The following UMOD variants were observed in gnomAD, a reference collection of about 807,000 sequenced individuals.
The protein encoded by UMOD is uromodulin.
UMOD carries 64 observed loss-of-function variants against 66.0 expected under a neutral mutation model. The ratio of observed to expected loss-of-function variants is 0.97; its 90% CI spans 0.79 to 1.19. UMOD has a LOEUF of 1.19. UMOD is among the 50% of genes most tolerant of loss of function. The pLI is 0.00. For missense variants in UMOD, 764 were observed against 850.9 expected (o/e 0.90, Z 1.27); for synonymous variants, 398 against 352.7 (o/e 1.13, Z -1.44).
At chr16:20,352,919 T>G (rs1048699796), upstream of UMOD, 1 of 409,680 alleles carries the variant, frequency 2.4e-6, no homozygotes, top group African/African-American at 2.0e-5. Context: ...ATGATTGACA[T>G]TGGGGGGTCA....
At chr16:20,345,393 TC>T (rs1449310399) in intron 5 of UMOD, among the ~76,000 whole-genome samples, 5 of 75,520 alleles carry the variant, frequency 6.6e-5, no homozygotes, top group Admixed American at 4.7e-4. Context: ...TCCTTTCTTT[TC>T]TTTTTTTTTC....
At chr16:20,341,924 C>T (rs1291373100) in intron 6 of UMOD, among the ~76,000 whole-genome samples, 1 of 152,230 alleles carries the variant, frequency 6.6e-6, no homozygotes, top group East Asian at 1.9e-4. Flanking sequence ...GATGATCCAA[C>T]AAAGGACATT....
intron 1 of UMOD, among the ~76,000 whole-genome samples, chr16:20,352,212 G>A (rs911441453): frequency 9.2e-5 from 14 of 152,038 alleles, no homozygotes; most frequent in Admixed American, 3.3e-4. Context: ...AAAACAGGGG[G>A]ACAAAGAGGC....
At chr16:20,337,149 C>T in intron 8 of UMOD, 142 bp downstream of exon 8, 1 of 1,175,704 alleles carries the variant, frequency 8.5e-7, no homozygotes, top group Non-Finnish European at 1.2e-6. Flanking sequence ...AGGTTTCCTG[C>T]CTAGCCACGC....
At chr16:20,335,455 C>G (rs763225363) in intron 10 of UMOD, 27 bp downstream of exon 10, 8 of 1,612,890 alleles carry the variant, frequency 5.0e-6, no homozygotes, top group Non-Finnish European at 6.8e-6. Flanking sequence ...TGGAACAGGT[C>G]CCACTGCAGA....
intron 7 of UMOD, among the ~76,000 whole-genome samples, chr16:20,339,658 C>A (rs1965078161): frequency 1.3e-5 from 2 of 152,358 alleles, no homozygotes; most frequent in East Asian, 3.9e-4. Flanking sequence ...AATGCTTTTT[C>A]TGACAATGCA....
chr16:20,336,100 G>A (rs1252080920), intron 9 of UMOD, among the ~76,000 whole-genome samples: 2 of 152,208 alleles, frequency 1.3e-5, no homozygotes, highest in South Asian at 2.1e-4. Context: ...TTAAGGTTTA[G>A]GAGTCATGCA....
chr16:20,349,873 C>T (rs1378298473), intron 2 of UMOD: 2 of 1,526,192 alleles, frequency 1.3e-6, no homozygotes, highest in East Asian at 2.5e-5. Context: ...TTTGTTCCTC[C>T]GTAATAAAAA....
At position 20,346,307 on chromosome 16, in the gene UMOD, T is replaced by G. The variant is rs779874063; in HGVS notation, c.1001A>C (p.Glu334Ala). ...TDISLLEHRL[E>A]CGANDMKVSL... ...CACCTTCATGTCATTGGCCCCACAT[T>G]CCAGCCTGTGCTCCAGGAGGGAGAT... The change falls in exon 5 of 11, where the codon GAA becomes GCA. Residue 334 changes from glutamate (E) to alanine (A), a missense_variant. Physicochemically the swap from Glu to Ala is moderately radical, Grantham distance 107. Transcript: ENST00000396138. 1 of 1,614,252 alleles carries G rather than the reference T, an allele frequency of 6.2e-7. No homozygotes were observed. Among genetic ancestry groups the G allele is most frequent in the East Asian group, 2.2e-5 (1 of 44,886 alleles).
intron 7 of UMOD, among the ~76,000 whole-genome samples, chr16:20,340,033 GC>G (rs1338319395): frequency 6.6e-6 from 1 of 152,104 alleles, no homozygotes; most frequent in Non-Finnish European, 1.5e-5. Context: ...GCTGCCTGCT[GC>G]CCTGGGCAAG....
intron 4 of UMOD, 80 bp from the exon 5 acceptor site, chr16:20,346,414 G>A (rs1201517990): frequency 3.4e-6 from 5 of 1,467,784 alleles, no homozygotes; most frequent in Admixed American, 1.7e-5. Context: ...AGGTCCAGCT[G>A]GCTGGGCTGA....
intron 6 of UMOD, 46 bp from the exon 7 acceptor site, chr16:20,341,382 T>C: frequency 6.2e-7 from 1 of 1,607,646 alleles, no homozygotes; most frequent in South Asian, 1.1e-5. Context: ...TGAGAACATC[T>C]GCAGATAGGC....
At chr16:20,352,158 A>G (rs1320334354) in intron 1 of UMOD, among the ~76,000 whole-genome samples, 1 of 152,114 alleles carries the variant, frequency 6.6e-6, no homozygotes, top group Non-Finnish European at 1.5e-5. Flanking sequence ...TTTAATTCTT[A>G]CCACAACCCT....
In UMOD at chr16:20,333,092, A is replaced by G. The variant is rs752893223; in HGVS notation, c.*222T>C. 5.2e-6 allele frequency: 3 copies of G among 576,216 alleles called. No individual in the cohort carries two copies. In the South Asian group the frequency reaches 5.9e-5, roughly 11 times the overall value. 35.7% of individuals were successfully genotyped at this position (576,216 alleles called of 1,614,324 possible). A position where few individuals can be genotyped will look rare whatever the true frequency, so the allele number is the denominator to read the frequency against. Reference sequence around the variant, plus strand: ...TTATTTTGCCACACTCTTTAAGGAGATGGGGGCCTCAGGTACACCGTCACA... The same window carrying G: ...TTATTTTGCCACACTCTTTAAGGAGGTGGGGGCCTCAGGTACACCGTCACA... On this transcript the variant is annotated 3_prime_UTR_variant, in exon 11 of 11. Coordinates refer to ENST00000396138, the MANE Select transcript of UMOD (RefSeq NM_003361.4).
At chr16:20,352,264 T>C (rs1446895859) in intron 1 of UMOD, among the ~76,000 whole-genome samples, 1 of 152,118 alleles carries the variant, frequency 6.6e-6, no homozygotes, top group African/African-American at 2.4e-5. Context: ...TGACATATTC[T>C]ATTATATTTA....
rs375223847 is a variant in UMOD at position 20,346,176 on chromosome 16, C to A, written c.1132G>T (p.Val378Leu). 7.4e-6 allele frequency: 12 copies of A among 1,614,106 alleles called. No individual in the cohort carries two copies. Among genetic ancestry groups the A allele is most frequent in the Non-Finnish European group, 9.3e-6 (11 of 1,180,046 alleles). Residue 378 changes from valine to leucine, a missense_variant, in exon 5 of 11, where the codon GTG becomes TTG. By Grantham distance (32) the Val-to-Leu change is conservative (BLOSUM62 1). Coordinates refer to ENST00000396138, the MANE Select transcript of UMOD (RefSeq NM_003361.4). ...GFNDRDNRDW[V>L]SVVTPARDGP... ...TCCCGGGCTGGGGTCACTACAGACA[C>A]CCAGTCCCGGTTGTCTCTGTCATTG... is the stretch of plus-strand genomic sequence containing the variant.
At chr16:20,336,608 C>T (rs1451453857) in intron 9 of UMOD, 38 bp downstream of exon 9, 2 of 1,598,088 alleles carry the variant, frequency 1.3e-6, no homozygotes, top group East Asian at 2.2e-5. Flanking sequence ...AGAAATCTTT[C>T]CCAGCCAGGA....
chr16:20,336,808 C>G (rs1350337420), intron 8 of UMOD, 81 bp from the exon 9 acceptor site: 1 of 1,292,140 alleles, frequency 7.7e-7, no homozygotes, highest in African/African-American at 1.5e-5. Context: ...GACTGCCCAC[C>G]TCACAGGTGC....
rs1052518240 is a variant in UMOD at position 20,347,308 on chromosome 16, C to T, written c.973+915G>A. 3.3e-5 allele frequency among the ~76,000 whole-genome samples: 5 copies of T among 152,168 alleles called. No homozygotes were observed. The South Asian group carries it at 1.0e-3, about 32-fold the overall frequency. On this transcript the variant is annotated intron_variant, in intron 4 of 10. Transcript: ENST00000396138. ...AAAGTGCTGGGATTACAGGCATGAG[C>T]CACTGCGCCCGGCCCACTAACTTCC...
Sources: allele counts gnomAD v4.1 joint callset (sites outside exome capture counted in the v4.1 genomes callset), GRCh38; gene constraint gnomAD v4.1.1; transcripts MANE v1.5; gene names NCBI Gene and HGNC (gene_info 2026-07-23, HGNC 2026-07-21).